The following WDR70 variants were observed in gnomAD, a reference collection of about 807,000 sequenced individuals.
WDR70 encodes the protein WD repeat domain 70.
A neutral mutation model predicts 88.6 loss-of-function variants in WDR70; 53 were observed. The observed-to-expected ratio is 0.60, with a 90% CI of 0.48 to 0.75. The LOEUF is 0.75. WDR70 is among the 30% of genes least tolerant of loss of function. The probability of loss-of-function intolerance (pLI) is 0.00; values close to 1 mark genes in which losing one functional copy is unlikely to be tolerated. For synonymous variants in WDR70, 280 were observed against 270.0 expected (o/e 1.04, Z -0.36); for missense variants, 610 against 823.2 (o/e 0.74, Z 3.17).
At chr5:37,409,539 T>G (rs1749458712) in intron 5 of WDR70, among the ~76,000 whole-genome samples, 1 of 151,652 alleles carries the variant, frequency 6.6e-6, no homozygotes, top group African/African-American at 2.4e-5. Context: ...AGTTTTGCTC[T>G]TGTTGCCCAG....
chr5:37,421,888 A>C (rs1749957012), intron 5 of WDR70, among the ~76,000 whole-genome samples: 1 of 151,264 alleles, frequency 6.6e-6, no homozygotes, highest in Non-Finnish European at 1.5e-5. Context: ...AGCAGGTGAA[A>C]TTCTCCCTCT....
intron 7 of WDR70, among the ~76,000 whole-genome samples, chr5:37,451,178 G>A (rs1237342408): frequency 2.6e-5 from 4 of 152,150 alleles, no homozygotes; most frequent in Admixed American, 2.0e-4. Context: ...GATTACAGAC[G>A]TGAGCCATTG....
chr5:37,398,144 G>GCA (rs1749083598), intron 5 of WDR70, among the ~76,000 whole-genome samples: 3 of 137,402 alleles, frequency 2.2e-5, no homozygotes, highest in Non-Finnish European at 4.6e-5. Flanking sequence ...GCTGGAATGT[G>GCA]GTGGCGCCAT....
chr5:37,585,122 C>A (rs1342915646), intron 9 of WDR70, among the ~76,000 whole-genome samples: 1 of 151,446 alleles, frequency 6.6e-6, no homozygotes, highest in Non-Finnish European at 1.5e-5. Flanking sequence ...TCCTAAATAG[C>A]TGGGATTACA....
At chr5:37,595,408 T>G (rs1743673785) in intron 9 of WDR70, among the ~76,000 whole-genome samples, 1 of 152,188 alleles carries the variant, frequency 6.6e-6, no homozygotes, top group African/African-American at 2.4e-5. Flanking sequence ...ATTTATACAT[T>G]GAAAACCATA....
intron 10 of WDR70, among the ~76,000 whole-genome samples, chr5:37,691,619 A>C (rs1389793846): frequency 2.6e-5 from 4 of 152,178 alleles, no homozygotes; most frequent in Non-Finnish European, 5.9e-5. Flanking sequence ...CTACTGGGTA[A>C]ATAATGAAAT....
chr5:37,633,461 C>T (rs1055353057), intron 10 of WDR70, among the ~76,000 whole-genome samples: 2 of 150,094 alleles, frequency 1.3e-5, no homozygotes, highest in East Asian at 1.9e-4. Flanking sequence ...TTTAAACGGC[C>T]ATAACTTAAA....
chr5:37,731,639 G>A (rs1748147190), intron 17 of WDR70, among the ~76,000 whole-genome samples: 1 of 151,938 alleles, frequency 6.6e-6, no homozygotes. Flanking sequence ...ACATACTAAA[G>A]ATTTGTCAAG....
intron 6 of WDR70, among the ~76,000 whole-genome samples, chr5:37,441,889 C>T (rs546244273): frequency 6.6e-6 from 1 of 152,064 alleles, no homozygotes; most frequent in Non-Finnish European, 1.5e-5. Flanking sequence ...TTAAATATTC[C>T]TAATGCAGTT....
intron 17 of WDR70, 94 bp from the exon 18 acceptor site, chr5:37,752,392 C>A: frequency 1.3e-6 from 1 of 759,168 alleles, no homozygotes; most frequent in Non-Finnish European, 2.2e-6. Flanking sequence ...ATTTATTCCC[C>A]ACATTTGCTC....
intron 10 of WDR70, among the ~76,000 whole-genome samples, chr5:37,686,555 C>G (rs1561070897): frequency 6.6e-6 from 1 of 150,846 alleles, no homozygotes; most frequent in Non-Finnish European, 1.5e-5. Context: ...ACTGAGACCA[C>G]CACCCCCGGC....
chr5:37,683,095 C>A (rs1404707874), intron 10 of WDR70, among the ~76,000 whole-genome samples: 3 of 152,136 alleles, frequency 2.0e-5, no homozygotes, highest in Non-Finnish European at 4.4e-5. Flanking sequence ...ATGTAATGTA[C>A]TTCCTTGTCT....
At chr5:37,719,317 G>T (rs931624222) in intron 13 of WDR70, among the ~76,000 whole-genome samples, 1 of 151,514 alleles carries the variant, frequency 6.6e-6, no homozygotes, top group Non-Finnish European at 1.5e-5. Context: ...TTATAAACTA[G>T]GTTTTACAAG....
chr5:37,495,442 A>ATC (rs139533160), intron 8 of WDR70, among the ~76,000 whole-genome samples: 67 of 148,306 alleles, frequency 4.5e-4, no homozygotes, highest in East Asian at 1.2e-3. Flanking sequence ...ATTATCAGCA[A>ATC]TCTCTCTCTC....
intron 5 of WDR70, among the ~76,000 whole-genome samples, chr5:37,415,665 AC>A (rs535329599): frequency 5.9e-5 from 8 of 134,708 alleles, no homozygotes; most frequent in African/African-American, 1.8e-4. Context: ...CGGGGGGCTG[AC>A]CCCCCCACCT....
chr5:37,577,892 A>C (rs1743104018), intron 9 of WDR70, among the ~76,000 whole-genome samples: 2 of 152,158 alleles, frequency 1.3e-5, no homozygotes, highest in Non-Finnish European at 2.9e-5. Context: ...GGATAGTAAA[A>C]CTTAGACCTG....
At chr5:37,444,781 C>T (rs566067139) in intron 7 of WDR70, among the ~76,000 whole-genome samples, 48 of 152,268 alleles carry the variant, frequency 3.2e-4, no homozygotes, top group African/African-American at 1.1e-3. Context: ...TTTCCATGGA[C>T]TAGGGGTAGC....
chr5:37,426,094 C>T (rs1402928083), intron 5 of WDR70, among the ~76,000 whole-genome samples: 2 of 152,044 alleles, frequency 1.3e-5, no homozygotes, highest in East Asian at 1.9e-4. Context: ...GAGCAGAAAG[C>T]CTAGGACAGA....
At chr5:37,558,091 A>C (rs181338368) in intron 9 of WDR70, among the ~76,000 whole-genome samples, 76 of 151,970 alleles carry the variant, frequency 5.0e-4, no homozygotes, top group Middle Eastern at 6.8e-3. Context: ...CGCCTTGGCT[A>C]TTCAGGTTTC....
Sources: gnomAD v4.1 joint callset for allele counts (sites outside exome capture counted in the v4.1 genomes callset) on GRCh38, gnomAD v4.1.1 for gene constraint, MANE v1.5 for transcripts, NCBI Gene and HGNC (gene_info 2026-07-23, HGNC 2026-07-21) for gene names.